CTNNA2: variants seen among roughly 807,000 people sequenced by gnomAD.
CTNNA2 encodes catenin alpha 2.
A neutral mutation model predicts 101.0 loss-of-function variants in CTNNA2; 42 were observed. That is an observed-to-expected ratio of 0.42 (90% CI 0.32 to 0.54). The LOEUF (loss-of-function observed/expected upper bound fraction) is 0.54. CTNNA2 is among the 20% of genes least tolerant of loss of function. CTNNA2 has a pLI of 0.14. For synonymous variants in CTNNA2, 450 were observed against 456.4 expected, an observed-to-expected ratio of 0.99 and a Z score of 0.18; for missense variants, 871 against 1,223.1, an observed-to-expected ratio of 0.71 and a Z score of 4.29.
chr2:80,365,345 G>A (rs1674817959), intron 7 of CTNNA2, among the ~76,000 whole-genome samples: 2 of 152,116 alleles, frequency 1.3e-5, no homozygotes, highest in African/African-American at 2.4e-5. Context: ...TGCTGACAGT[G>A]CAGCCCTGCA....
chr2:79,612,644 G>A (rs1405059679), intron 1 of CTNNA2, among the ~76,000 whole-genome samples: 1 of 152,066 alleles, frequency 6.6e-6, no homozygotes, highest in Non-Finnish European at 1.5e-5. Context: ...AATGAGCTCT[G>A]TTTCTAATGA....
chr2:80,513,044 C>T (rs1688834347), intron 9 of CTNNA2, among the ~76,000 whole-genome samples: 1 of 152,166 alleles, frequency 6.6e-6, no homozygotes, highest in Non-Finnish European at 1.5e-5. Flanking sequence ...AGCTCCCTTG[C>T]TTACACAAGA....
chr2:79,981,763 G>A (rs946571125), intron 7 of CTNNA2, among the ~76,000 whole-genome samples: 8 of 152,088 alleles, frequency 5.3e-5, no homozygotes, highest in South Asian at 4.1e-4. Context: ...TATTTATTTC[G>A]TAAATTTTTT....
intron 3 of CTNNA2, among the ~76,000 whole-genome samples, chr2:79,330,853 T>C (rs902857521): frequency 3.9e-5 from 6 of 152,190 alleles, no homozygotes; most frequent in Non-Finnish European, 8.8e-5. Flanking sequence ...ACCTCTTTCC[T>C]TTATAAATTA....
intron 12 of CTNNA2, chr2:80,572,931 T>A (rs1329697543): frequency 1.3e-5 from 2 of 152,182 alleles, no homozygotes; most frequent in African/African-American, 4.8e-5. Context: ...CTTTTTTAAG[T>A]CTGTCTTTTC....
chr2:80,425,126 A>G lies in CTNNA2; in HGVS notation c.1290+5525A>G, dbSNP rs75653141. Among the ~76,000 whole-genome samples, 877 of 152,262 alleles carry G rather than the reference A, an allele frequency of 5.8e-3. 4 individuals are homozygous for G. Among genetic ancestry groups the G allele is most frequent in the African/African-American group, 0.015 (622 of 41,572 alleles). On this transcript the variant is annotated intron_variant, in intron 9 of 18. Transcript: ENST00000402739. Reference sequence around the variant, plus strand: ...CAGGCGGAAGGTTAGGCTCCCCTCAATGAGCCTCTCTTTTTGATGTAGTTT... The same window carrying G: ...CAGGCGGAAGGTTAGGCTCCCCTCAGTGAGCCTCTCTTTTTGATGTAGTTT...
intron 2 of CTNNA2, among the ~76,000 whole-genome samples, chr2:79,656,209 C>T (rs991821225): frequency 6.6e-6 from 1 of 152,122 alleles, no homozygotes; most frequent in Non-Finnish European, 1.5e-5. Flanking sequence ...ATTAAACCTT[C>T]ATGATAGGAC....
intron 1 of CTNNA2, among the ~76,000 whole-genome samples, chr2:79,525,769 G>A (rs1034444144): frequency 6.6e-6 from 1 of 151,956 alleles, no homozygotes; most frequent in Non-Finnish European, 1.5e-5. Flanking sequence ...ACTTTTATTA[G>A]TGCTGAATCA....
chr2:80,578,801 T>C (rs1195826052), intron 13 of CTNNA2: 1 of 152,170 alleles, frequency 6.6e-6, no homozygotes, highest in East Asian at 1.9e-4. Flanking sequence ...AAATGGTGAT[T>C]ACATTTATTT....
chr2:80,554,210 T>C (rs1436451360), intron 11 of CTNNA2, among the ~76,000 whole-genome samples: 1 of 152,172 alleles, frequency 6.6e-6, no homozygotes, highest in Non-Finnish European at 1.5e-5. Context: ...AGATCGGTAG[T>C]GGAGACTAGG....
intron 7 of CTNNA2, among the ~76,000 whole-genome samples, chr2:80,063,591 G>T (rs990299019): frequency 2.6e-5 from 4 of 152,210 alleles, no homozygotes; most frequent in African/African-American, 9.6e-5. Flanking sequence ...AACAGTATTT[G>T]CCTGGAAGGC....
intron 7 of CTNNA2, among the ~76,000 whole-genome samples, chr2:80,200,880 C>A (rs565059710): frequency 6.9e-6 from 1 of 144,292 alleles, no homozygotes; most frequent in East Asian, 2.0e-4. Flanking sequence ...TTTTTTTTTT[C>A]CTGTACCTTC....
At chr2:80,460,508 C>T (rs577234817) in intron 9 of CTNNA2, among the ~76,000 whole-genome samples, 3 of 152,184 alleles carry the variant, frequency 2.0e-5, no homozygotes, top group Admixed American at 6.5e-5. Context: ...AAACTTATCC[C>T]TTTATGTACT....
At chr2:80,494,026 T>C (rs1687256399) in intron 9 of CTNNA2, among the ~76,000 whole-genome samples, 1 of 151,982 alleles carries the variant, frequency 6.6e-6, no homozygotes, top group South Asian at 2.1e-4. Flanking sequence ...GAGAAAGGAG[T>C]GTTACTTCTG....
At chr2:79,208,521 C>G (rs1390406437) in intron 2 of CTNNA2, among the ~76,000 whole-genome samples, 2 of 152,150 alleles carry the variant, frequency 1.3e-5, no homozygotes, top group Admixed American at 6.6e-5. Context: ...AGTATACGTA[C>G]TTGGAATTGG....
chr2:80,536,397 G>A (rs1486437149), intron 9 of CTNNA2, among the ~76,000 whole-genome samples: 1 of 152,056 alleles, frequency 6.6e-6, no homozygotes, highest in East Asian at 1.9e-4. Context: ...CAGTGATGAT[G>A]AAATATTAAC....
At chr2:80,375,562 CTT>C (rs199662476) in intron 7 of CTNNA2, among the ~76,000 whole-genome samples, 7 of 105,616 alleles carry the variant, frequency 6.6e-5, no homozygotes, top group Admixed American at 1.1e-4. Flanking sequence ...TTTCTGGCTT[CTT>C]TTTTTTTTTT....
At chr2:80,024,932 T>G (rs1267672309) in intron 7 of CTNNA2, among the ~76,000 whole-genome samples, 2 of 151,964 alleles carry the variant, frequency 1.3e-5, no homozygotes, top group East Asian at 1.9e-4. Context: ...TGAGGAAGAT[T>G]TTGTTGAGCA....
At chr2:80,401,500 G>T (rs1262625214) in intron 8 of CTNNA2, among the ~76,000 whole-genome samples, 2 of 152,158 alleles carry the variant, frequency 1.3e-5, no homozygotes, top group Non-Finnish European at 2.9e-5. Context: ...GAAGATATTT[G>T]ACTCCATTTT....
Sources: allele counts gnomAD v4.1 joint callset (sites outside exome capture counted in the v4.1 genomes callset), GRCh38; gene constraint gnomAD v4.1.1; transcripts MANE v1.5; gene names NCBI Gene and HGNC (gene_info 2026-07-23, HGNC 2026-07-21).